The following RBFOX1 variants were observed in gnomAD, a reference collection of about 807,000 sequenced individuals.
RBFOX1 encodes the protein RNA binding protein fox-1 homolog 1.
Under a neutral mutation model 57.7 loss-of-function variants are expected in RBFOX1, and 8 were observed. The observed-to-expected ratio is 0.14, with a 90% CI of 0.08 to 0.25. The LOEUF is 0.25. Ranked by LOEUF, RBFOX1 falls within the 10% of genes least tolerant of loss-of-function variation. The pLI is 1.00. For missense variants in RBFOX1, 611 were observed against 548.5 expected (o/e 1.11, Z -1.14); for synonymous variants, 326 against 222.4 (o/e 1.47, Z -4.15).
chr16:6,869,681 C>G (rs766751161), intron 3 of RBFOX1, among the ~76,000 whole-genome samples: 7 of 152,150 alleles, frequency 4.6e-5, no homozygotes, highest in African/African-American at 1.2e-4. Flanking sequence ...AAAACAAATT[C>G]TAGGACACAC....
intron 2 of RBFOX1, among the ~76,000 whole-genome samples, chr16:5,548,167 AAAAAAAAATATATATATAT>A (rs1346425864): frequency 9.6e-5 from 6 of 62,436 alleles, no homozygotes; most frequent in Non-Finnish European, 1.6e-4. Flanking sequence ...TTAAAAAAAA[AAAAAAAAATATATATATAT>A]ATATATATAT....
At chr16:7,475,346 G>A (rs1027232354) in intron 4 of RBFOX1, among the ~76,000 whole-genome samples, 4 of 141,064 alleles carry the variant, frequency 2.8e-5, no homozygotes, top group African/African-American at 5.4e-5. Context: ...ATGGAGTCTC[G>A]CTCTGTCACC....
intron 3 of RBFOX1, among the ~76,000 whole-genome samples, chr16:6,888,704 G>A (rs777044627): frequency 6.6e-6 from 1 of 152,098 alleles, no homozygotes; most frequent in Non-Finnish European, 1.5e-5. Context: ...AAAAAAGCTG[G>A]GGGAAGGGAG....
chr16:6,215,357 A>AGGGAGAGAAGGAGAAG (rs982575283), intron 1 of RBFOX1, among the ~76,000 whole-genome samples: 1 of 140,196 alleles, frequency 7.1e-6, no homozygotes, highest in African/African-American at 2.7e-5. Flanking sequence ...GGAGAGGGAC[A>AGGGAGAGAAGGAGAAG]GGGAGAGAAG....
intron 1 of RBFOX1, among the ~76,000 whole-genome samples, chr16:6,180,749 A>G (rs373863538): frequency 1.2e-3 from 183 of 151,996 alleles, no homozygotes; most frequent in African/African-American, 4.2e-3. Context: ...TGTTTTTAGT[A>G]GAGATGGGGT....
chr16:6,077,741 G>A (rs533724577), intron 1 of RBFOX1, among the ~76,000 whole-genome samples: 255 of 120,772 alleles, frequency 2.1e-3, no homozygotes, highest in African/African-American at 6.4e-3. Context: ...TTTTGAGTTT[G>A]GGTCTTGCTC....
chr16:5,879,409 C>T (rs2880607), intron 4 of RBFOX1, among the ~76,000 whole-genome samples: 56,090 of 152,098 alleles, frequency 0.37, 10,454 homozygotes, highest in Middle Eastern at 0.4. Context: ...TCATGAACTG[C>T]AACCTCCGCC....
chr16:6,857,957 G>A (rs1603633084), intron 3 of RBFOX1, among the ~76,000 whole-genome samples: 1 of 152,146 alleles, frequency 6.6e-6, no homozygotes, highest in Non-Finnish European at 1.5e-5. Flanking sequence ...GACAATACTG[G>A]TTTTTCGTAG....
intron 2 of RBFOX1, among the ~76,000 whole-genome samples, chr16:6,650,741 C>G (rs1189345768): frequency 6.6e-6 from 1 of 152,148 alleles, no homozygotes; most frequent in African/African-American, 2.4e-5. Flanking sequence ...TCAAAGGGAC[C>G]TAGAATTTGC....
rs549482933 is a variant in RBFOX1 at position 6,982,517 on chromosome 16, G to A, written c.-15-69540G>A. 7.4e-4 allele frequency among the ~76,000 whole-genome samples: 112 copies of A among 152,186 alleles called. 1 individual carries two copies. The highest frequency in any genetic ancestry group is 2.6e-3 in the African/African-American group (106 of 41,506). Reference sequence around the variant, plus strand: ...GGTGGATCCTGGAGTAGTCTCAGACGGCCTCGCCCTCTGTTCATCATCCTT... The same window carrying A: ...GGTGGATCCTGGAGTAGTCTCAGACAGCCTCGCCCTCTGTTCATCATCCTT... On this transcript the variant is annotated intron_variant, in intron 3 of 15. Coordinates refer to ENST00000550418, the MANE Select transcript of RBFOX1 (RefSeq NM_018723.4).
intron 3 of RBFOX1, among the ~76,000 whole-genome samples, chr16:6,730,054 A>G (rs746182445): frequency 1.1e-4 from 16 of 152,112 alleles, no homozygotes; most frequent in Non-Finnish European, 1.8e-4. Context: ...GATAATCTTG[A>G]TGTTCTTTAT....
chr16:6,142,412 G>T (rs1253644355), intron 1 of RBFOX1, among the ~76,000 whole-genome samples: 1 of 151,672 alleles, frequency 6.6e-6, no homozygotes. Flanking sequence ...TAGTAGAGAT[G>T]GGGTTTCACC....
intron 3 of RBFOX1, among the ~76,000 whole-genome samples, chr16:5,649,024 A>G (rs11866054): frequency 0.029 from 4,382 of 152,174 alleles, 213 homozygotes; most frequent in African/African-American, 0.1. Context: ...AGATTGTGCC[A>G]CTGCACTCCA....
In RBFOX1 at chr16:6,103,016, C is replaced by T. The variant is rs558106319; in HGVS notation, c.-127+83024C>T. 3.4e-4 allele frequency among the ~76,000 whole-genome samples: 52 copies of T among 152,268 alleles called. No individual in the cohort carries two copies. In the East Asian group the frequency reaches 9.8e-3, roughly 29 times the overall value. On this transcript the variant is annotated intron_variant, in intron 1 of 15. Coordinates refer to ENST00000550418, the MANE Select transcript of RBFOX1 (RefSeq NM_018723.4). ...CAAGACTTTCATAATTGTGAGCAAC[C>T]ACAGTGTCTTCCCCTCTTTTGGACA...
chr16:7,396,042 A>T (rs762903645), intron 4 of RBFOX1, among the ~76,000 whole-genome samples: 2 of 152,146 alleles, frequency 1.3e-5, no homozygotes, highest in Non-Finnish European at 2.9e-5. Flanking sequence ...TTTCTGGGAC[A>T]CTGAATTCAT....
chr16:7,017,879 G>C (rs1347639403), intron 3 of RBFOX1, among the ~76,000 whole-genome samples: 4 of 152,152 alleles, frequency 2.6e-5, no homozygotes, highest in African/African-American at 9.7e-5. Flanking sequence ...AGTCTTCGAG[G>C]CTTAGCAACA....
chr16:7,007,677 A>G (rs1270366235), intron 3 of RBFOX1, among the ~76,000 whole-genome samples: 1 of 152,168 alleles, frequency 6.6e-6, no homozygotes, highest in Non-Finnish European at 1.5e-5. Flanking sequence ...TCTCTTTAAC[A>G]TGATTTTGCA....
At chr16:7,192,926 A>G (rs1009723870) in intron 4 of RBFOX1, among the ~76,000 whole-genome samples, 3 of 152,206 alleles carry the variant, frequency 2.0e-5, no homozygotes, top group Non-Finnish European at 4.4e-5. Context: ...AACAATGTAA[A>G]AAGCAGAGAG....
chr16:5,401,913 C>T (rs1429084737), intron 1 of RBFOX1, among the ~76,000 whole-genome samples: 1 of 152,030 alleles, frequency 6.6e-6, no homozygotes, highest in Non-Finnish European at 1.5e-5. Flanking sequence ...TCTATTTTTA[C>T]TGCTGTTGGG....
Sources: gnomAD v4.1 joint callset for allele counts (sites outside exome capture counted in the v4.1 genomes callset) on GRCh38, gnomAD v4.1.1 for gene constraint, MANE v1.5 for transcripts, NCBI Gene and HGNC (gene_info 2026-07-23, HGNC 2026-07-21) for gene names.